ASIP: variants seen among roughly 807,000 people sequenced by gnomAD.
ASIP encodes the protein agouti signaling protein.
A neutral mutation model predicts 10.3 loss-of-function variants in ASIP; 11 were observed. The ratio of observed to expected loss-of-function variants is 1.07; its 90% CI spans 0.68 to 1.78. ASIP has a LOEUF of 1.78. Among genes scored for constraint, ASIP ranks in the 40% most tolerant of loss-of-function variants. The pLI, the probability that ASIP is intolerant of heterozygous loss-of-function variation, is 0.00. For synonymous variants in ASIP, 70 were observed against 70.8 expected, an observed-to-expected ratio of 0.99 and a Z score of 0.06; for missense variants, 180 against 169.2, an observed-to-expected ratio of 1.06 and a Z score of -0.35.
chr20:34,259,522 A>G (rs2035652402), intron 1 of ASIP, among the ~76,000 whole-genome samples: 1 of 152,090 alleles, frequency 6.6e-6, no homozygotes, highest in African/African-American at 2.4e-5. Flanking sequence ...CAAAAAAAAT[A>G]AAAAGAGTTA....
the ASIP span, among the ~76,000 whole-genome samples, chr20:34,186,801 TTTTTGTTTTG>T: frequency 4.6e-5 from 7 of 152,048 alleles, no homozygotes; most frequent in East Asian, 1.9e-4. Context: ...CAGTAGGTTG[TTTTTGTTTTG>T]TTTTGTTTTG....
chr20:34,212,434 T>C (rs1431536316), intron 1 of ASIP, among the ~76,000 whole-genome samples: 1 of 152,224 alleles, frequency 6.6e-6, no homozygotes, highest in Non-Finnish European at 1.5e-5. Flanking sequence ...ATGACCCTTT[T>C]CTACTAAATA....
chr20:34,240,934 G>A (rs1054021278), upstream of ASIP, among the ~76,000 whole-genome samples: 8 of 152,246 alleles, frequency 5.3e-5, 1 homozygote, highest in Admixed American at 6.5e-5. Context: ...AAGGCATGAC[G>A]TTTGCTTGGC....
At chr20:34,258,675 ATATATATATATATATACATAC>A (rs1164348197) in intron 1 of ASIP, among the ~76,000 whole-genome samples, 1 of 28,054 alleles carries the variant, frequency 3.6e-5, no homozygotes, top group African/African-American at 1.9e-4. Flanking sequence ...GGGGGATGCC[ATATATATATATATATACATAC>A]TATATATATA....
chr20:34,190,994 A>G (rs542550942), upstream of ASIP, among the ~76,000 whole-genome samples: 45 of 152,304 alleles, frequency 3.0e-4, no homozygotes, highest in South Asian at 9.3e-3. Flanking sequence ...ACAGAGCAGC[A>G]TGCACCCCCA....
intron 2 of ASIP, among the ~76,000 whole-genome samples, chr20:34,260,743 T>C (rs1305223225): frequency 6.6e-6 from 1 of 152,212 alleles, no homozygotes; most frequent in Admixed American, 6.5e-5. Context: ...GCTTAGCATA[T>C]GGTAGAGGCT....
chr20:34,269,018 C>T lies in ASIP; in HGVS notation c.250C>T (p.Arg84Trp). The part of the protein sequence containing the change: ...KKEASMKKVV[R>W]PRTPLSAPCV... Reference sequence around the variant, plus strand: ...GGAGGCTTCGATGAAGAAAGTGGTGCGGCCCCGGACCCCCCTATCTGCGCC... The same window carrying T: ...GGAGGCTTCGATGAAGAAAGTGGTGTGGCCCCGGACCCCCCTATCTGCGCC... The change falls in exon 4 of 4, where the codon CGG (arginine) becomes TGG (tryptophan). Residue 84 changes from arginine to tryptophan, a missense_variant. Physicochemically the swap from Arg to Trp is moderately radical, Grantham distance 101 (BLOSUM62 -3). Transcript: ENST00000374954. The T allele has an allele frequency of 6.2e-7, 1 of 1,607,652 alleles. No homozygotes were observed. The highest frequency in any genetic ancestry group is 8.5e-7 in the Non-Finnish European group (1 of 1,177,732).
chr20:34,250,101 AG>A (rs1244305009), intron 1 of ASIP: 1 of 152,272 alleles, frequency 6.6e-6, no homozygotes, highest in African/African-American at 2.4e-5. Context: ...AGCTTTACCA[AG>A]AACCCCCAGG....
At chr20:34,202,928 C>G (rs1245985934) in intron 1 of ASIP, among the ~76,000 whole-genome samples, 1 of 151,306 alleles carries the variant, frequency 6.6e-6, no homozygotes, top group Non-Finnish European at 1.5e-5. Flanking sequence ...CCTGCCTCAG[C>G]CTCCCGAGTA....
At chr20:34,226,905 G>A (rs954019138) in intron 1 of ASIP, among the ~76,000 whole-genome samples, 4 of 152,080 alleles carry the variant, frequency 2.6e-5, no homozygotes, top group African/African-American at 9.7e-5. Flanking sequence ...CTTGATTAAA[G>A]ACCAAATGTT....
At chr20:34,268,444 G>T (rs1259815373) in intron 3 of ASIP, among the ~76,000 whole-genome samples, 1 of 152,178 alleles carries the variant, frequency 6.6e-6, no homozygotes, top group Non-Finnish European at 1.5e-5. Flanking sequence ...TAGGCCGGGC[G>T]CGGTGGCTCA....
intron 3 of ASIP, among the ~76,000 whole-genome samples, chr20:34,263,928 A>G (rs923433628): frequency 1.3e-5 from 2 of 151,922 alleles, no homozygotes; most frequent in Non-Finnish European, 2.9e-5. Context: ...GCCTCAGCCT[A>G]CCAAAGTGCT....
chr20:34,237,537 C>A (rs1291685128), upstream of ASIP, among the ~76,000 whole-genome samples: 1 of 152,168 alleles, frequency 6.6e-6, no homozygotes, highest in Non-Finnish European at 1.5e-5. Flanking sequence ...TTTATTAGTT[C>A]TAACAGTGTT....
At chr20:34,237,451 C>T (rs1423459903), upstream of ASIP, among the ~76,000 whole-genome samples, 1 of 152,020 alleles carries the variant, frequency 6.6e-6, no homozygotes, top group Non-Finnish European at 1.5e-5. Flanking sequence ...TCTTAATTTC[C>T]TTTTCAGATT....
chr20:34,191,101 G>T (rs2034822177), upstream of ASIP, among the ~76,000 whole-genome samples: 1 of 152,192 alleles, frequency 6.6e-6, no homozygotes, highest in African/African-American at 2.4e-5. Flanking sequence ...AAACCTAAAA[G>T]ACTTTAAAGG....
intron 3 of ASIP, 54 bp downstream of exon 3, chr20:34,262,947 A>C: frequency 6.3e-7 from 1 of 1,596,186 alleles, no homozygotes; most frequent in South Asian, 1.1e-5. Flanking sequence ...ACTGGACTTA[A>C]AGAAGGAGGA....
intron 1 of ASIP, among the ~76,000 whole-genome samples, chr20:34,249,799 T>A (rs1389766058): frequency 6.6e-6 from 1 of 152,120 alleles, no homozygotes; most frequent in Non-Finnish European, 1.5e-5. Flanking sequence ...CTTGATTCAG[T>A]TTTTCAGGGC....
At chr20:34,195,073 T>C (rs1468952651) in intron 1 of ASIP, among the ~76,000 whole-genome samples, 1 of 151,886 alleles carries the variant, frequency 6.6e-6, no homozygotes, top group Non-Finnish European at 1.5e-5. Context: ...CCTAAATTAT[T>C]GTTGTAGTTG....
In ASIP at chr20:34,242,285, T is replaced by C. The variant is rs186723424; in HGVS notation, c.-11+796T>C. On this transcript the variant is annotated intron_variant, in intron 1 of 3. Coordinates refer to ENST00000374954, the MANE Select transcript of ASIP (RefSeq NM_001672.3). ...AGTCTCACTGTCACCCAGGCTGGAG[T>C]GCAATGGCATGATCTTGGCTCACTG... Among the ~76,000 whole-genome samples the C allele has an allele frequency of 5.0e-3, 754 of 152,204 alleles. 6 individuals are homozygous for C. Among genetic ancestry groups the C allele is most frequent in the African/African-American group, 0.017 (687 of 41,512 alleles).
Sources: allele counts gnomAD v4.1 joint callset (sites outside exome capture counted in the v4.1 genomes callset), GRCh38; gene constraint gnomAD v4.1.1; transcripts MANE v1.5; gene names NCBI Gene and HGNC (gene_info 2026-07-23, HGNC 2026-07-21).